Variants in BAZ1B observed in about 807,000 individuals in gnomAD.
The protein encoded by BAZ1B is bromodomain adjacent to zinc finger domain 1B, also known as tyrosine-protein kinase BAZ1B.
A neutral mutation model predicts 153.8 loss-of-function variants in BAZ1B; 22 were observed. That is an observed-to-expected ratio of 0.14 (90% CI 0.10 to 0.20). The LOEUF (loss-of-function observed/expected upper bound fraction) is 0.20, where lower values mean the gene tolerates loss of function less well. Among genes scored for constraint, BAZ1B ranks in the 10% least tolerant of loss-of-function variants. The pLI is 1.00. For missense variants in BAZ1B, 1,325 were observed against 1,799.3 expected, an observed-to-expected ratio of 0.74 and a Z score of 4.77; for synonymous variants, 676 against 633.4, an observed-to-expected ratio of 1.07 and a Z score of -1.01.
chr7:73,460,193 A>G (rs944825983), intron 12 of BAZ1B, among the ~76,000 whole-genome samples: 102 of 111,292 alleles, frequency 9.2e-4, no homozygotes, highest in Admixed American at 9.3e-4. Context: ...CGTCTCAGGG[A>G]AAAAAAAAAA....
intron 7 of BAZ1B, 38 bp downstream of exon 7, chr7:73,476,829 CT>C: frequency 6.4e-7 from 1 of 1,555,196 alleles, no homozygotes; most frequent in Non-Finnish European, 8.6e-7. Context: ...TTACTATCTT[CT>C]ACAGAGCTTC....
At chr7:73,473,591 G>C (rs1310119230) in intron 7 of BAZ1B, among the ~76,000 whole-genome samples, 1 of 152,170 alleles carries the variant, frequency 6.6e-6, no homozygotes, top group East Asian at 1.9e-4. Flanking sequence ...CATTACATAT[G>C]TATACTCAGG....
Position 73,508,241 on chromosome 7 carries a change from T to C in BAZ1B, c.369+86A>G, listed in dbSNP as rs1159002343. ...ATATAATACTAAATATAACACAGTT[T>C]TACACACATAGAAATGTGTTCTGTA... is the stretch of plus-strand genomic sequence containing the variant. On this transcript the variant is annotated intron_variant, in intron 3 of 19. Coordinates refer to ENST00000339594, the MANE Select transcript of BAZ1B (RefSeq NM_032408.4). 5 of 1,370,096 alleles carry C rather than the reference T, an allele frequency of 3.6e-6. No individual in the cohort carries two copies. In the African/African-American group the frequency reaches 7.3e-5, roughly 20 times the overall value. The allele number at this position is 1,370,096 out of a possible 1,614,324, so 84.9% of individuals were successfully genotyped here.
intron 4 of BAZ1B, 89 bp from the exon 5 acceptor site, chr7:73,493,010 C>A: frequency 7.4e-7 from 1 of 1,350,536 alleles, no homozygotes; most frequent in Non-Finnish European, 1.0e-6. Context: ...AACGTCTGCT[C>A]TTCACTAGGC....
intron 4 of BAZ1B, among the ~76,000 whole-genome samples, chr7:73,497,185 G>A (rs1789946209): frequency 6.6e-6 from 1 of 151,032 alleles, no homozygotes; most frequent in Non-Finnish European, 1.5e-5. Flanking sequence ...CGAGGCTGCA[G>A]TGAGCCATGA....
At chr7:73,462,489 T>C (rs1314046679) in intron 12 of BAZ1B, 4 of 214,280 alleles carry the variant, frequency 1.9e-5, no homozygotes, top group African/African-American at 7.1e-5. Context: ...AGGACTGTAA[T>C]GACAGCACAC....
chr7:73,516,123 G>T (rs910058950), intron 1 of BAZ1B, among the ~76,000 whole-genome samples: 3 of 152,138 alleles, frequency 2.0e-5, no homozygotes, highest in African/African-American at 7.2e-5. Context: ...CTCCAGCCTG[G>T]GCTACAGAGC....
In BAZ1B at chr7:73,459,655, T is replaced by G. The variant is rs782170318; in HGVS notation, c.3313A>C (p.Ile1105Leu). The G allele has an allele frequency of 9.3e-6, 15 of 1,614,020 alleles. No individual in the cohort carries two copies. The highest frequency in any genetic ancestry group is 1.2e-5 in the Non-Finnish European group (14 of 1,180,044). ...ECVIALQASVIKKFLQGFMAP... is the reference protein window; with the variant it reads ...ECVIALQASVLKKFLQGFMAP... ...ATGAAGCCTTGGAGAAATTTCTTTA[T>G]GACACTGGCCTGAAGGGCAATCACA... is the stretch of plus-strand genomic sequence containing the variant. Residue 1105 changes from isoleucine (I) to leucine (L), a missense_variant, in exon 13 of 20, where the codon ATA becomes CTA. Ile to Leu is a conservative substitution (Grantham distance 5, BLOSUM62 2). Transcript: ENST00000339594.
At chr7:73,503,212 T>C (rs1790206249) in intron 3 of BAZ1B, among the ~76,000 whole-genome samples, 1 of 152,202 alleles carries the variant, frequency 6.6e-6, no homozygotes, top group Non-Finnish European at 1.5e-5. Flanking sequence ...CTATAAGCAA[T>C]TCCACATTCC....
intron 6 of BAZ1B, among the ~76,000 whole-genome samples, chr7:73,483,474 T>C (rs1789277873): frequency 1.3e-5 from 2 of 152,328 alleles, no homozygotes; most frequent in South Asian, 4.1e-4. Flanking sequence ...AATTTCCACA[T>C]GCCTTTATTA....
At chr7:73,445,056 C>T (rs1459137545) in intron 16 of BAZ1B, among the ~76,000 whole-genome samples, 1 of 151,964 alleles carries the variant, frequency 6.6e-6, no homozygotes, top group Non-Finnish European at 1.5e-5. Flanking sequence ...CACAAAGGCA[C>T]TGAGACTACT....
Position 73,521,917 on chromosome 7 carries a change from C to A in BAZ1B, c.17G>T (p.Gly6Val). MAPLL[G>V]RKPFPLVKPL... ...CTTCACCAGCGGGAAGGGCTTGCGG[C>A]CCAGGAGCGGCGCCATCGCGGCGGC... Residue 6 changes from glycine to valine, a missense_variant, in exon 1 of 20, where the codon GGC (glycine) becomes GTC (valine). Physicochemically the swap from Gly to Val is moderately radical, Grantham distance 109 (BLOSUM62 -3). Coordinates refer to ENST00000339594, the MANE Select transcript of BAZ1B (RefSeq NM_032408.4). The A allele has an allele frequency of 1.4e-6, 2 of 1,475,032 alleles. No individual in the cohort carries two copies. The highest frequency in any genetic ancestry group is 1.8e-6 in the Non-Finnish European group (2 of 1,106,884). The allele number at this position is 1,475,032 out of a possible 1,614,324, so 91.4% of individuals were successfully genotyped here. A position where few individuals can be genotyped will look rare whatever the true frequency, so the allele number is the denominator to read the frequency against.
chr7:73,450,772 G>A lies in BAZ1B; in HGVS notation c.3580+75C>T. Reference sequence around the variant, plus strand: ...TTCTGTGTACACAAAATTCTTTTGGGTAGAAATGAAGATCTTGGGAATAGA... The same window carrying A: ...TTCTGTGTACACAAAATTCTTTTGGATAGAAATGAAGATCTTGGGAATAGA... On this transcript the variant is annotated intron_variant, in intron 14 of 19. Coordinates refer to ENST00000339594, the MANE Select transcript of BAZ1B (RefSeq NM_032408.4). The surrounding 1 kb of genome is among the most constrained non-coding windows in gnomAD (Gnocchi z 4.1). The A allele has an allele frequency of 8.4e-6, 13 of 1,544,516 alleles. No homozygotes were observed. The highest frequency in any genetic ancestry group is 9.8e-6 in the Non-Finnish European group (11 of 1,126,664).
In BAZ1B at chr7:73,470,476, C is replaced by T; in HGVS notation, c.2601G>A (p.Leu867=). 3.1e-6 allele frequency: 5 copies of T among 1,611,894 alleles called. No homozygotes were observed. The highest frequency in any genetic ancestry group is 4.2e-6 in the Non-Finnish European group (5 of 1,179,414). The change falls in exon 8 of 20, where the codon CTG becomes CTA. Residue 867 remains leucine (L), a synonymous_variant. Transcript: ENST00000339594. ...TTCGTTCTTCTTCAGCTTGGCGTTC[C>T]AGTTTCACTGTTAAAAATAAAAAGA... ...EIQEREMKVK[L]ERQAEEERIR...
chr7:73,502,212 G>A (rs889726513), intron 3 of BAZ1B, among the ~76,000 whole-genome samples: 3 of 151,930 alleles, frequency 2.0e-5, no homozygotes, highest in Non-Finnish European at 4.4e-5. Context: ...TAAACACACA[G>A]AAACAACTGT....
chr7:73,489,301 A>G lies in BAZ1B; in HGVS notation c.784T>C (p.Leu262=). 4 of 1,614,194 alleles carry G rather than the reference A, an allele frequency of 2.5e-6. No individual in the cohort carries two copies. Among genetic ancestry groups the G allele is most frequent in the Non-Finnish European group, 2.5e-6 (3 of 1,180,030 alleles). The part of the protein sequence containing the change: ...IVRYFIRHNA[L]RAGTGENAPW... ...GCATTTTCACCAGTACCAGCTCGTAATGCATTATGCCGTATAAAGTATCGA... is the reference window on the plus strand; with the variant it reads ...GCATTTTCACCAGTACCAGCTCGTAGTGCATTATGCCGTATAAAGTATCGA... Residue 262 remains leucine, a synonymous_variant, in exon 6 of 20, where the codon TTA becomes CTA. Coordinates refer to ENST00000339594, the MANE Select transcript of BAZ1B (RefSeq NM_032408.4).
intron 5 of BAZ1B, among the ~76,000 whole-genome samples, chr7:73,491,986 CTTTTTTTTTTTT>C (rs782649883): frequency 8.5e-6 from 1 of 117,260 alleles, no homozygotes; most frequent in East Asian, 2.3e-4. Context: ...CAGCAAAACG[CTTTTTTTTTTTT>C]TTTTTTTTTT....
At position 73,482,932 on chromosome 7, in the gene BAZ1B, T is replaced by C. The variant is rs1329565224; in HGVS notation, c.892-4363A>G. 7.2e-5 allele frequency among the ~76,000 whole-genome samples: 11 copies of C among 152,204 alleles called. No homozygotes were observed. The East Asian group carries it at 2.1e-3, about 29-fold the overall frequency. ...GGCATGCTGGGCAGTCACAGCCAAA[T>C]GGGAGCCGGCATGGCTGGACTCAGG... On this transcript the variant is annotated intron_variant, in intron 6 of 19. Coordinates refer to ENST00000339594, the MANE Select transcript of BAZ1B (RefSeq NM_032408.4).
intron 7 of BAZ1B, among the ~76,000 whole-genome samples, chr7:73,474,409 A>G (rs1288450561): frequency 1.3e-5 from 2 of 152,210 alleles, no homozygotes; most frequent in African/African-American, 2.4e-5. Flanking sequence ...ATAAGTAACA[A>G]AAGAATAAAT....
Sources: gnomAD v4.1 joint callset for allele counts (sites outside exome capture counted in the v4.1 genomes callset) on GRCh38, gnomAD v4.1.1 for gene constraint, Gnocchi (gnomAD v3.1) non-coding constraint, MANE v1.5 for transcripts, NCBI Gene and HGNC (gene_info 2026-07-23, HGNC 2026-07-21) for gene names.